The following CHRM3 variants were observed in gnomAD, a reference collection of about 807,000 sequenced individuals.
CHRM3 encodes the protein muscarinic acetylcholine receptor M3.
In CHRM3, 11 loss-of-function variants were observed where a neutral mutation model predicts 41.8. The ratio of observed to expected loss-of-function variants is 0.26; its 90% CI spans 0.17 to 0.44. CHRM3 has a LOEUF of 0.44. Among genes scored for constraint, CHRM3 ranks in the 20% least tolerant of loss-of-function variants. The pLI is 1.00. For synonymous variants in CHRM3, 297 were observed against 301.4 expected (o/e 0.99, Z 0.15); for missense variants, 571 against 745.4 (o/e 0.77, Z 2.72).
At chr1:239,670,382 AGT>A (rs140727381) in intron 4 of CHRM3, among the ~76,000 whole-genome samples, 1,964 of 152,234 alleles carry the variant, frequency 0.013, 53 homozygotes, top group African/African-American at 0.046. Flanking sequence ...TCTTTTGCAC[AGT>A]GTGTTTTTGA....
chr1:239,407,417 T>TATATATATATATAGAGAGAGAGAGAGAG, intron 1 of CHRM3, among the ~76,000 whole-genome samples: 2 of 134,124 alleles, frequency 1.5e-5, no homozygotes, highest in Non-Finnish European at 3.4e-5. Flanking sequence ...TATATATATA[T>TATATATATATATAGAGAGAGAGAGAGAG]AGAGAGAGAG....
At chr1:239,491,539 A>G (rs80104941) in intron 1 of CHRM3, among the ~76,000 whole-genome samples, 5,214 of 152,294 alleles carry the variant, frequency 0.034, 294 homozygotes, top group African/African-American at 0.12. Context: ...TCATGGCTAG[A>G]TAGTATTCCA....
chr1:239,510,025 G>A (rs926451489), intron 2 of CHRM3, among the ~76,000 whole-genome samples: 8 of 152,134 alleles, frequency 5.3e-5, no homozygotes, highest in Non-Finnish European at 1.0e-4. Context: ...GGGGACGGAG[G>A]TTACAGTGGG....
At chr1:239,607,066 A>C (rs1666411393) in intron 3 of CHRM3, among the ~76,000 whole-genome samples, 1 of 152,184 alleles carries the variant, frequency 6.6e-6, no homozygotes. Flanking sequence ...ATTTCATTTC[A>C]GTGAAAACGT....
intron 3 of CHRM3, among the ~76,000 whole-genome samples, chr1:239,623,173 TTACATATGTA>T (rs1264346784): frequency 6.6e-6 from 1 of 152,130 alleles, no homozygotes; most frequent in Non-Finnish European, 1.5e-5. Flanking sequence ...TGCAGGTTTG[TTACATATGTA>T]TACATGTGCC....
At chr1:239,547,668 T>C (rs981303074) in intron 3 of CHRM3, among the ~76,000 whole-genome samples, 5 of 152,196 alleles carry the variant, frequency 3.3e-5, no homozygotes, top group African/African-American at 7.2e-5. Context: ...TGTAAAGATA[T>C]AATCACAAAT....
At chr1:239,804,340 G>A (rs1181200474) in intron 5 of CHRM3, among the ~76,000 whole-genome samples, 1 of 60,694 alleles carries the variant, frequency 1.6e-5, no homozygotes, top group Non-Finnish European at 4.9e-5. Context: ...GTCATTCATT[G>A]TGTTTTTTTT....
chr1:239,391,659 T>G (rs543810038), intron 1 of CHRM3, among the ~76,000 whole-genome samples: 15 of 152,110 alleles, frequency 9.9e-5, no homozygotes, highest in Middle Eastern at 3.4e-3. Context: ...AGACCTAGGG[T>G]CCAGTAGTGA....
chr1:239,581,463 TGGG>T (rs201420860), intron 3 of CHRM3, among the ~76,000 whole-genome samples: 1 of 28,994 alleles, frequency 3.4e-5, no homozygotes. Flanking sequence ...TGTGGGTGGG[TGGG>T]GGGGATGTAT....
At chr1:239,760,161 G>A (rs530579214) in intron 5 of CHRM3, among the ~76,000 whole-genome samples, 4 of 151,078 alleles carry the variant, frequency 2.6e-5, no homozygotes, top group Non-Finnish European at 4.4e-5. Flanking sequence ...TCCTGACCTC[G>A]TGATCCGCCC....
chr1:239,586,397 C>T (rs1370529864), intron 3 of CHRM3, among the ~76,000 whole-genome samples: 1 of 151,964 alleles, frequency 6.6e-6, no homozygotes, highest in East Asian at 1.9e-4. Context: ...TGGACTGCAG[C>T]CTATTTTTTT....
At chr1:239,410,833 A>G (rs1661008575) in intron 1 of CHRM3, among the ~76,000 whole-genome samples, 1 of 152,224 alleles carries the variant, frequency 6.6e-6, no homozygotes, top group Admixed American at 6.5e-5. Context: ...CAAGCGGTTG[A>G]AAAGATCAAT....
intron 4 of CHRM3, among the ~76,000 whole-genome samples, chr1:239,661,368 A>T (rs1444320523): frequency 6.6e-6 from 1 of 152,220 alleles, no homozygotes; most frequent in African/African-American, 2.4e-5. Flanking sequence ...GATATGGCTG[A>T]TTAATGAGTT....
chr1:239,695,819 A>G (rs1660132142), intron 5 of CHRM3, among the ~76,000 whole-genome samples: 1 of 152,214 alleles, frequency 6.6e-6, no homozygotes, highest in African/African-American at 2.4e-5. Flanking sequence ...GAGATTTTGA[A>G]CTAGACTTAC....
chr1:239,901,316 C>A (rs545772716), intron 6 of CHRM3, among the ~76,000 whole-genome samples: 20 of 151,864 alleles, frequency 1.3e-4, no homozygotes, highest in Admixed American at 2.0e-4. Context: ...TTCCTTCTGG[C>A]TTCGGAAACT....
chr1:239,438,312 A>G (rs1260792032), intron 1 of CHRM3, among the ~76,000 whole-genome samples: 1 of 151,998 alleles, frequency 6.6e-6, no homozygotes. Context: ...TTTTTCATAC[A>G]CACACACACT....
rs1680521309 is a variant in CHRM3 at position 239,914,172 on chromosome 1, CAAAATG to C, written c.*4949_*4954del. ...CTTACTATTGTTCTTTCTTGGAGTC[CAAAATG>C]CTTAGCAGTTCTGCAGTTCACATAC... On this transcript the variant is annotated 3_prime_UTR_variant, in exon 7 of 7. Transcript: ENST00000676153. 1.2e-5 allele frequency: 2 copies of C among 167,040 alleles called. No individual in the cohort carries two copies. Among genetic ancestry groups the C allele is most frequent in the African/African-American group, 4.8e-5 (2 of 41,428 alleles). 10.3% of individuals were successfully genotyped at this position (167,040 alleles called of 1,614,324 possible).
chr1:239,416,631 G>C (rs1447845634), intron 1 of CHRM3, among the ~76,000 whole-genome samples: 1 of 151,966 alleles, frequency 6.6e-6, no homozygotes, highest in Admixed American at 6.6e-5. Flanking sequence ...TATGTCAAGA[G>C]GAAAAGGTTT....
At chr1:239,536,574 TTA>T (rs1194228703) in intron 2 of CHRM3, among the ~76,000 whole-genome samples, 22 of 152,236 alleles carry the variant, frequency 1.4e-4, no homozygotes, top group African/African-American at 5.3e-4. Context: ...CTCAAGGTAA[TTA>T]TATGATTTCT....
Sources: gnomAD v4.1 joint callset for allele counts (sites outside exome capture counted in the v4.1 genomes callset) on GRCh38, gnomAD v4.1.1 for gene constraint, MANE v1.5 for transcripts, NCBI Gene and HGNC (gene_info 2026-07-23, HGNC 2026-07-21) for gene names.